The following NEXMIF variants were observed in gnomAD, a reference collection of about 807,000 sequenced individuals.
NEXMIF encodes the protein XLMR protein related to neurite extension.
Under a neutral mutation model 62.1 loss-of-function variants are expected in NEXMIF, and 8 were observed. The ratio of observed to expected loss-of-function variants is 0.13; its 90% CI spans 0.08 to 0.23. NEXMIF has a LOEUF of 0.23. Among genes scored for constraint, NEXMIF ranks in the 10% least tolerant of loss-of-function variants. The probability of loss-of-function intolerance (pLI) is 1.00; values close to 1 mark genes in which losing one functional copy is unlikely to be tolerated. For missense variants in NEXMIF, 976 were observed against 1,113.3 expected (o/e 0.88, Z 1.75); for synonymous variants, 404 against 416.6 (o/e 0.97, Z 0.37).
intron 1 of NEXMIF, among the ~76,000 whole-genome samples, chrX:74,844,543 C>T (rs1435785524): frequency 9.0e-6 from 1 of 111,343 alleles, no homozygotes; most frequent in Non-Finnish European, 1.9e-5. Context: ...ACCTCCTCAA[C>T]TCCCCTGGCG....
intron 1 of NEXMIF, among the ~76,000 whole-genome samples, chrX:74,885,608 A>C (rs943966483): frequency 8.9e-6 from 1 of 111,774 alleles, no homozygotes; most frequent in African/African-American, 3.3e-5. Context: ...AAGAAGTTGA[A>C]TCTCTGAATA....
In NEXMIF at chrX:74,740,683, C is replaced by A. The variant is rs1291386998; in HGVS notation, c.3874G>T (p.Gly1292Cys). 2 of 1,210,503 alleles carry A rather than the reference C, an allele frequency of 1.7e-6. No individual in the cohort carries two copies. The highest frequency in any genetic ancestry group is 4.4e-5 in the Admixed American group (2 of 45,862). The change falls in exon 3 of 4, where the codon GGC becomes TGC. Residue 1292 changes from glycine (G) to cysteine (C), a missense_variant. Physicochemically the swap from Gly to Cys is radical, Grantham distance 159. Around this residue, in one of 5 missense-constraint regions of NEXMIF, gnomAD observed 29 missense variants for 56.5 expected, o/e 0.51. Transcript: ENST00000055682. ...DWALGKESSP[G>C]WSDMSMGTNT... ...GTGCCCATGCTCATATCACTCCAGCCTGGGCTGCTCTCCTTCCCCAAGGCC... is the reference window on the plus strand; with the variant it reads ...GTGCCCATGCTCATATCACTCCAGCATGGGCTGCTCTCCTTCCCCAAGGCC...
chrX:74,851,237 T>C (rs762310982), intron 1 of NEXMIF, among the ~76,000 whole-genome samples: 2 of 111,049 alleles, frequency 1.8e-5, no homozygotes, highest in Non-Finnish European at 3.8e-5. Context: ...AGACCACAAA[T>C]TGACCAAATA....
intron 1 of NEXMIF, among the ~76,000 whole-genome samples, chrX:74,813,753 C>T (rs984898017): frequency 8.9e-6 from 1 of 112,094 alleles, no homozygotes; most frequent in South Asian, 3.7e-4. Context: ...ATCACCAATA[C>T]TCAGTGGTTT....
chrX:74,749,834 A>T (rs777709913), intron 1 of NEXMIF, among the ~76,000 whole-genome samples: 5 of 111,894 alleles, frequency 4.5e-5, no homozygotes, highest in Non-Finnish European at 7.5e-5. Context: ...CCCCAACTCC[A>T]CAGGGCCTAG....
At chrX:74,776,727 CAA>C (rs35129554) in intron 1 of NEXMIF, among the ~76,000 whole-genome samples, 14,196 of 64,368 alleles carry the variant, frequency 0.22, 1,687 homozygotes, top group East Asian at 0.85. Flanking sequence ...AACTCAGTCT[CAA>C]AAAAAAAAAA....
intron 1 of NEXMIF, among the ~76,000 whole-genome samples, chrX:74,835,998 G>GTCTTTCCCAC (rs1235717153): frequency 8.9e-6 from 1 of 112,682 alleles, no homozygotes; most frequent in African/African-American, 3.2e-5. Context: ...ATGACATGCA[G>GTCTTTCCCAC]TCTTTCCCAC....
chrX:74,807,983 A>C (rs896907513), intron 1 of NEXMIF, among the ~76,000 whole-genome samples: 3 of 112,191 alleles, frequency 2.7e-5, no homozygotes, highest in Admixed American at 9.4e-5. Context: ...TATTATGAAT[A>C]GGTGTTGAAT....
intron 1 of NEXMIF, among the ~76,000 whole-genome samples, chrX:74,754,151 G>T (rs1031652512): frequency 3.3e-4 from 36 of 109,544 alleles, no homozygotes; most frequent in African/African-American, 1.1e-3. Flanking sequence ...TAGTAGAGAT[G>T]GGGTTTCACC....
chrX:74,873,513 G>T (rs1283661293), intron 1 of NEXMIF, among the ~76,000 whole-genome samples: 18 of 111,842 alleles, frequency 1.6e-4, no homozygotes, highest in Non-Finnish European at 2.6e-4. Context: ...CCCAGTAATG[G>T]GATGGCTGGG....
chrX:74,785,367 T>A (rs1412114144), intron 1 of NEXMIF, among the ~76,000 whole-genome samples: 3 of 111,510 alleles, frequency 2.7e-5, no homozygotes, highest in Non-Finnish European at 5.6e-5. Context: ...CTGCTCCCTA[T>A]ATAATCTTTT....
At chrX:74,755,936 G>C (rs1391052944) in intron 1 of NEXMIF, among the ~76,000 whole-genome samples, 1 of 111,617 alleles carries the variant, frequency 9.0e-6, no homozygotes, top group Non-Finnish European at 1.9e-5. Context: ...CCAGGCTGGA[G>C]TGCAGTCACG....
At chrX:74,874,954 C>G (rs1001298655) in intron 1 of NEXMIF, among the ~76,000 whole-genome samples, 5 of 110,699 alleles carry the variant, frequency 4.5e-5, no homozygotes, top group Non-Finnish European at 9.4e-5. Context: ...GACAATTTGA[C>G]TTCCTCTTTT....
Position 74,785,485 on chromosome X carries a change from TA to T in NEXMIF, c.-47-39789del, listed in dbSNP as rs1026080948. Among the ~76,000 whole-genome samples, 25 of 109,639 alleles carry T rather than the reference TA, an allele frequency of 2.3e-4. 1 individual carries two copies. Among genetic ancestry groups the T allele is most frequent in the Admixed American group, 5.9e-4 (6 of 10,254 alleles). On this transcript the variant is annotated intron_variant, in intron 1 of 3. Transcript: ENST00000055682. ...TATGAAAAAAAGGAGGATGTAAAAC[TA>T]AAAAAAAAATTTTTTTTCAAGTTAT... is the stretch of plus-strand genomic sequence containing the variant.
chrX:74,845,997 G>A (rs1371894619), intron 1 of NEXMIF, among the ~76,000 whole-genome samples: 3 of 111,589 alleles, frequency 2.7e-5, no homozygotes, highest in Non-Finnish European at 5.7e-5. Flanking sequence ...CTTACTTATT[G>A]TGTTTTCAGA....
At chrX:74,875,133 T>C (rs909270248) in intron 1 of NEXMIF, among the ~76,000 whole-genome samples, 2 of 111,540 alleles carry the variant, frequency 1.8e-5, no homozygotes, top group African/African-American at 6.6e-5. Flanking sequence ...TGTGAGTTTG[T>C]CATAGATAGC....
intron 1 of NEXMIF, among the ~76,000 whole-genome samples, chrX:74,750,952 G>A: frequency 9.0e-6 from 1 of 111,633 alleles, no homozygotes; most frequent in South Asian, 3.8e-4. Flanking sequence ...TTCTGGCTGG[G>A]CGTGGTGGTT....
rs199796136 is a variant in NEXMIF, at chrX:74,914,962, T to C, written c.-48+9921A>G. ...AAAAGTCACATACTCAATGATTCCATTTATATAAAAATCTTGAAATGATAA... is the reference window on the plus strand; with the variant it reads ...AAAAGTCACATACTCAATGATTCCACTTATATAAAAATCTTGAAATGATAA... On this transcript the variant is annotated intron_variant, in intron 1 of 3. Coordinates refer to ENST00000055682, the MANE Select transcript of NEXMIF (RefSeq NM_001008537.3). Among the ~76,000 whole-genome samples the C allele has an allele frequency of 6.2e-5, 7 of 112,413 alleles. No homozygotes were observed. In the East Asian group the frequency reaches 2.0e-3, roughly 32 times the overall value.
intron 1 of NEXMIF, among the ~76,000 whole-genome samples, chrX:74,918,564 A>C (rs2080815505): frequency 8.9e-6 from 1 of 112,046 alleles, no homozygotes; most frequent in Non-Finnish European, 1.9e-5. Context: ...ATAGCTATTG[A>C]CATTTTGACT....
Sources: gnomAD v4.1 joint callset for allele counts (sites outside exome capture counted in the v4.1 genomes callset) on GRCh38, gnomAD v4.1.1 for gene constraint, gnomAD v4.1.1 regional missense constraint, MANE v1.5 for transcripts, NCBI Gene and HGNC (gene_info 2026-07-23, HGNC 2026-07-21) for gene names.